Variants in LOC112694756 observed in about 807,000 individuals in gnomAD.
the LOC112694756 span, among the ~76,000 whole-genome samples, chr16:30,061,060 G>C: frequency 1.3e-5 from 2 of 152,196 alleles, no homozygotes; most frequent in African/African-American, 4.8e-5. Context: ...TCTGCCTCTG[G>C]CCTCAAGGAG....
chr16:30,067,266 A>G, the LOC112694756 span: 1 of 1,612,318 alleles, frequency 6.2e-7, no homozygotes, highest in Non-Finnish European at 8.5e-7. Context: ...TGCCCTACCA[A>G]TATCCAGCAC....
the LOC112694756 span, chr16:30,070,245 C>T: frequency 1.2e-6 from 2 of 1,605,926 alleles, no homozygotes; most frequent in Non-Finnish European, 1.7e-6. Context: ...CCCAACACTC[C>T]AGGCCCTGCC....
the LOC112694756 span, chr16:30,068,315 CG>C: frequency 2.7e-6 from 1 of 366,862 alleles, no homozygotes; most frequent in Admixed American, 3.7e-5. Context: ...CTGCCCACCT[CG>C]GCCTCCCAAA....
the LOC112694756 span, among the ~76,000 whole-genome samples, chr16:30,060,164 A>G: frequency 6.6e-6 from 1 of 151,890 alleles, no homozygotes; most frequent in Non-Finnish European, 1.5e-5. Flanking sequence ...TTTTTAATAG[A>G]GATGATGTTT....
At chr16:30,058,479 TTTTTTTC>T in the LOC112694756 span, among the ~76,000 whole-genome samples, 1 of 150,430 alleles carries the variant, frequency 6.6e-6, no homozygotes. Flanking sequence ...CTGCTTCTTT[TTTTTTTC>T]TTTTTTCTTT....
chr16:30,070,108 C>T, the LOC112694756 span: 2 of 1,613,986 alleles, frequency 1.2e-6, no homozygotes, highest in Non-Finnish European at 1.7e-6. Flanking sequence ...CACCCCTCTC[C>T]CTGCTTAGGC....
chr16:30,063,807 C>T, the LOC112694756 span: 1 of 399,212 alleles, frequency 2.5e-6, no homozygotes, highest in Non-Finnish European at 4.4e-6. Flanking sequence ...CTGCCAGAGC[C>T]TCAACTGTCT....
the LOC112694756 span, chr16:30,068,649 G>C: frequency 6.2e-7 from 1 of 1,614,070 alleles, no homozygotes; most frequent in Non-Finnish European, 8.5e-7. Flanking sequence ...CCAACAGGTA[G>C]ACAAGGGCGT....
chr16:30,065,573 G>C, the LOC112694756 span: 7 of 152,336 alleles, frequency 4.6e-5, no homozygotes, highest in Admixed American at 1.3e-4. Context: ...ACGTCCGAGG[G>C]GGGTGGGGAG....
chr16:30,060,194 G>A, the LOC112694756 span, among the ~76,000 whole-genome samples: 1 of 152,124 alleles, frequency 6.6e-6, no homozygotes, highest in Admixed American at 6.6e-5. Flanking sequence ...GGCCAGGCTA[G>A]TCTTGAACTC....
At chr16:30,061,209 T>A in the LOC112694756 span, among the ~76,000 whole-genome samples, 1 of 152,080 alleles carries the variant, frequency 6.6e-6, no homozygotes, top group Non-Finnish European at 1.5e-5. Context: ...TCCCTTCTTG[T>A]CTCTAAGGAC....
At chr16:30,059,754 G>A in the LOC112694756 span, among the ~76,000 whole-genome samples, 1 of 150,542 alleles carries the variant, frequency 6.6e-6, no homozygotes, top group Admixed American at 6.6e-5. Flanking sequence ...GTAGAGACAG[G>A]TTTTCACCAT....
At chr16:30,066,959 C>T in the LOC112694756 span, 2 of 1,552,036 alleles carry the variant, frequency 1.3e-6, no homozygotes, top group Non-Finnish European at 1.7e-6. Context: ...ATGGCTATGG[C>T]CTTTTCCTTT....
chr16:30,055,586 T>C, the LOC112694756 span, among the ~76,000 whole-genome samples: 4 of 152,090 alleles, frequency 2.6e-5, no homozygotes, highest in Non-Finnish European at 5.9e-5. Context: ...AGCCAGCACT[T>C]CTAAATGAAA....
the LOC112694756 span, chr16:30,058,997 G>A: frequency 5.0e-6 from 2 of 398,610 alleles, no homozygotes; most frequent in East Asian, 3.6e-5. Context: ...AACAGAGGGT[G>A]AGAAATGACG....
the LOC112694756 span, among the ~76,000 whole-genome samples, chr16:30,059,863 G>A: frequency 6.6e-6 from 1 of 151,720 alleles, no homozygotes; most frequent in Non-Finnish European, 1.5e-5. Flanking sequence ...CGCCATGCCC[G>A]GCCAAGAACA....
chr16:30,053,540 C>T, the LOC112694756 span: 1,082 of 153,080 alleles, frequency 7.1e-3, 7 homozygotes, highest in Non-Finnish European at 9.8e-3. Context: ...CCCCTCAGCG[C>T]CCTCTCCTAA....
At chr16:30,055,348 C>G in the LOC112694756 span, 7 of 399,046 alleles carry the variant, frequency 1.8e-5, no homozygotes, top group African/African-American at 1.2e-4. Context: ...TTCCTACCCC[C>G]TGCCCCACTG....
chr16:30,053,746 A>G, the LOC112694756 span, among the ~76,000 whole-genome samples: 7 of 152,194 alleles, frequency 4.6e-5, no homozygotes, highest in Admixed American at 4.6e-4. Context: ...TTTCCGGCAG[A>G]GGAAACAGTC....
Sources: gnomAD v4.1 joint callset for allele counts (sites outside exome capture counted in the v4.1 genomes callset) on GRCh38, gnomAD v4.1.1 for gene constraint, MANE v1.5 for transcripts.